Variants in ZNF385D observed in about 807,000 individuals in gnomAD.
ZNF385D encodes zinc finger protein 385D.
ZNF385D carries 15 observed loss-of-function variants against 35.8 expected under a neutral mutation model. The observed-to-expected ratio is 0.42, with a 90% CI of 0.28 to 0.64. The LOEUF is 0.64. ZNF385D is among the 30% of genes least tolerant of loss of function. The pLI is 0.23. For synonymous variants in ZNF385D, 212 were observed against 186.8 expected (o/e 1.13, Z -1.10); for missense variants, 474 against 494.6 (o/e 0.96, Z 0.39).
At chr3:21,618,599 A>C (rs1367568492) in intron 2 of ZNF385D, among the ~76,000 whole-genome samples, 1 of 152,228 alleles carries the variant, frequency 6.6e-6, no homozygotes, top group Non-Finnish European at 1.5e-5. Flanking sequence ...GTCATTACAC[A>C]GTAAATGAGT....
intron 2 of ZNF385D, among the ~76,000 whole-genome samples, chr3:22,211,501 A>T (rs1294454715): frequency 6.6e-6 from 1 of 151,912 alleles, no homozygotes; most frequent in Non-Finnish European, 1.5e-5. Context: ...GAGCATTTGG[A>T]ATTTAGTTTC....
At chr3:21,751,390 A>C (rs7634827), upstream of ZNF385D, 2 of 1,010,368 alleles carry the variant, frequency 2.0e-6, no homozygotes, top group Non-Finnish European at 2.4e-6. Context: ...AAGCGAGAAG[A>C]GTGTCGGGAT....
chr3:22,176,075 G>A (rs976246284), intron 2 of ZNF385D, among the ~76,000 whole-genome samples: 2 of 146,178 alleles, frequency 1.4e-5, no homozygotes, highest in African/African-American at 5.6e-5. Context: ...CCCCACTAGA[G>A]TGCAGTGTGA....
intron 2 of ZNF385D, among the ~76,000 whole-genome samples, chr3:21,578,906 G>C (rs954551281): frequency 2.0e-5 from 3 of 152,002 alleles, no homozygotes; most frequent in Non-Finnish European, 4.4e-5. Context: ...CATTTTTTTA[G>C]AAAAGAATAA....
chr3:22,326,814 C>T (rs1694700626), intron 2 of ZNF385D, among the ~76,000 whole-genome samples: 2 of 152,130 alleles, frequency 1.3e-5, no homozygotes, highest in African/African-American at 4.8e-5. Context: ...CATCAAGATA[C>T]CGAACATTAC....
At chr3:21,768,742 G>T (rs971679211) in intron 3 of ZNF385D, among the ~76,000 whole-genome samples, 1 of 151,950 alleles carries the variant, frequency 6.6e-6, no homozygotes, top group Non-Finnish European at 1.5e-5. Flanking sequence ...TACTGCTGTT[G>T]TACTTCCCTC....
chr3:21,828,983 G>C (rs1458993113), intron 3 of ZNF385D, among the ~76,000 whole-genome samples: 1 of 152,110 alleles, frequency 6.6e-6, no homozygotes, highest in Non-Finnish European at 1.5e-5. Flanking sequence ...GGACCCTTAA[G>C]GAAGGGCCCA....
At chr3:22,246,088 T>G (rs1699763537) in intron 2 of ZNF385D, among the ~76,000 whole-genome samples, 1 of 152,114 alleles carries the variant, frequency 6.6e-6, no homozygotes, top group African/African-American at 2.4e-5. Flanking sequence ...TTGGATCAGG[T>G]TTATGAAACC....
chr3:21,997,925 G>C (rs1172926605), intron 3 of ZNF385D, among the ~76,000 whole-genome samples: 1 of 146,392 alleles, frequency 6.8e-6, no homozygotes, highest in Non-Finnish European at 1.5e-5. Flanking sequence ...GAGAGAGAGA[G>C]AAATTAGGGG....
rs151148586 is a variant in ZNF385D at position 22,326,350 on chromosome 3, C to T, written c.106+46100G>A. On this transcript the variant is annotated intron_variant, in intron 2 of 5. Transcript: ENST00000494108. ...GCCTGAAAGACTGGGGGCCCAAAAT[C>T]CCAGGTAGAGAAGAGGAAACACTGT... Among the ~76,000 whole-genome samples the T allele has an allele frequency of 5.7e-4, 87 of 152,250 alleles. 1 individual carries two copies. The East Asian group carries it at 0.015, about 25-fold the overall frequency.
intron 3 of ZNF385D, among the ~76,000 whole-genome samples, chr3:21,809,233 G>A (rs574456720): frequency 2.1e-4 from 32 of 152,062 alleles, no homozygotes; most frequent in Non-Finnish European, 3.8e-4. Context: ...TGAAAAAATG[G>A]AAAAATGGAA....
intron 3 of ZNF385D, among the ~76,000 whole-genome samples, chr3:22,122,774 G>A (rs1005248915): frequency 6.6e-6 from 1 of 152,160 alleles, no homozygotes; most frequent in Non-Finnish European, 1.5e-5. Flanking sequence ...AGGGGGTGAA[G>A]AAATGAGTCA....
intron 3 of ZNF385D, among the ~76,000 whole-genome samples, chr3:22,086,588 T>C (rs529347581): frequency 6.6e-6 from 1 of 152,072 alleles, no homozygotes; most frequent in African/African-American, 2.4e-5. Flanking sequence ...TGCTCATAGA[T>C]AGGAAGAATC....
intron 3 of ZNF385D, among the ~76,000 whole-genome samples, chr3:21,942,147 A>C (rs1360097349): frequency 2.6e-5 from 4 of 152,238 alleles, no homozygotes; most frequent in Admixed American, 1.3e-4. Flanking sequence ...TAAGTTGTCA[A>C]AAATTTTATA....
chr3:22,057,902 A>C (rs1699490083), intron 3 of ZNF385D, among the ~76,000 whole-genome samples: 2 of 152,220 alleles, frequency 1.3e-5, no homozygotes, highest in Non-Finnish European at 2.9e-5. Flanking sequence ...ATAAAGACTG[A>C]TGGAGAAAAT....
intron 3 of ZNF385D, among the ~76,000 whole-genome samples, chr3:22,131,991 G>A (rs965975749): frequency 2.0e-5 from 3 of 152,140 alleles, no homozygotes; most frequent in Admixed American, 2.0e-4. Context: ...ACCTGTAGGG[G>A]TGCAGGCCTG....
chr3:22,006,277 T>A (rs1576135667), intron 3 of ZNF385D, among the ~76,000 whole-genome samples: 1 of 152,266 alleles, frequency 6.6e-6, no homozygotes, highest in East Asian at 1.9e-4. Flanking sequence ...TCCTTGTTGA[T>A]CTCCATTACA....
intron 2 of ZNF385D, among the ~76,000 whole-genome samples, chr3:21,645,421 G>C (rs2125866457): frequency 6.6e-6 from 1 of 152,262 alleles, no homozygotes. Context: ...TTAAGCTACT[G>C]ACTCCTTTAG....
intron 3 of ZNF385D, among the ~76,000 whole-genome samples, chr3:21,552,337 A>C (rs2062595793): frequency 1.3e-5 from 2 of 152,140 alleles, no homozygotes; most frequent in African/African-American, 4.8e-5. Flanking sequence ...TATTTTGTAA[A>C]ATTGGTACTT....
Sources: allele counts gnomAD v4.1 joint callset (sites outside exome capture counted in the v4.1 genomes callset), GRCh38; gene constraint gnomAD v4.1.1; transcripts MANE v1.5; gene names NCBI Gene and HGNC (gene_info 2026-07-23, HGNC 2026-07-21).